AOPEP: variants seen among roughly 807,000 people sequenced by gnomAD.
The protein encoded by AOPEP is aminopeptidase O (putative), also known as aminopeptidase O.
A neutral mutation model predicts 98.1 loss-of-function variants in AOPEP; 77 were observed. That is an observed-to-expected ratio of 0.78 (90% CI 0.65 to 0.95). The LOEUF is 0.95. AOPEP is among the 40% of genes least tolerant of loss of function. The probability of loss-of-function intolerance (pLI) is 0.00; values close to 1 mark genes in which losing one functional copy is unlikely to be tolerated. For synonymous variants in AOPEP, 346 were observed against 365.3 expected (o/e 0.95, Z 0.60); for missense variants, 1,024 against 1,024.7 (o/e 1.00, Z 0.01).
chr9:95,111,178 C>T, the AOPEP span: 4 of 1,535,938 alleles, frequency 2.6e-6, no homozygotes, highest in South Asian at 2.4e-5. Context: ...GCAGATATGG[C>T]AGCTGAGCAA....
At chr9:94,866,046 A>G (rs2045670163) in intron 5 of AOPEP, among the ~76,000 whole-genome samples, 1 of 152,238 alleles carries the variant, frequency 6.6e-6, no homozygotes, top group Non-Finnish European at 1.5e-5. Context: ...ATTTACGTAC[A>G]GAAATTCTCC....
intron 4 of AOPEP, among the ~76,000 whole-genome samples, chr9:94,794,386 G>A (rs2082049690): frequency 6.6e-6 from 1 of 152,192 alleles, no homozygotes; most frequent in South Asian, 2.1e-4. Flanking sequence ...TGGTAGAGAT[G>A]ATTAGTTACT....
rs376024603 is a variant in AOPEP, at chr9:94,950,578, A to G, written c.1662-4599A>G. 7.2e-5 allele frequency among the ~76,000 whole-genome samples: 11 copies of G among 152,268 alleles called. No individual in the cohort carries two copies. The South Asian group carries it at 2.1e-3, about 29-fold the overall frequency. ...ACAAGGGTCAGATTTCACTTCCTCCATTGTTGCAGGGTGAGTGAGGTCCTG... is the reference window on the plus strand; with the variant it reads ...ACAAGGGTCAGATTTCACTTCCTCCGTTGTTGCAGGGTGAGTGAGGTCCTG... On this transcript the variant is annotated intron_variant, in intron 7 of 16. Coordinates refer to ENST00000375315, the MANE Select transcript of AOPEP (RefSeq NM_001193329.3).
intron 5 of AOPEP, among the ~76,000 whole-genome samples, chr9:94,881,758 C>T (rs1053886644): frequency 1.7e-4 from 26 of 152,112 alleles, no homozygotes; most frequent in African/African-American, 6.0e-4. Context: ...TTCTGTCGTC[C>T]GAAACTTCTT....
At chr9:94,905,525 G>A (rs2051004935) in intron 5 of AOPEP, among the ~76,000 whole-genome samples, 1 of 152,158 alleles carries the variant, frequency 6.6e-6, no homozygotes, top group Admixed American at 6.5e-5. Context: ...TATCAAAATG[G>A]TAAATATGCA....
chr9:94,807,098 G>C (rs1484915858), intron 5 of AOPEP, among the ~76,000 whole-genome samples: 1 of 152,124 alleles, frequency 6.6e-6, no homozygotes, highest in Non-Finnish European at 1.5e-5. Context: ...CTGTGGGCTG[G>C]CTTTGAGGCA....
intron 9 of AOPEP, among the ~76,000 whole-genome samples, chr9:94,961,472 A>G (rs905295587): frequency 2.6e-5 from 4 of 151,856 alleles, no homozygotes; most frequent in Non-Finnish European, 4.4e-5. Context: ...TTATTTTCCA[A>G]TTGCGTTTAT....
chr9:95,060,654 C>A, intron 13 of AOPEP, 40 bp from the exon 14 acceptor site: 1 of 1,336,946 alleles, frequency 7.5e-7, no homozygotes, highest in Non-Finnish European at 1.1e-6. Context: ...TTCTCATCAA[C>A]TGAATGGCAT....
At chr9:94,978,114 C>T (rs1021853423) in intron 10 of AOPEP, among the ~76,000 whole-genome samples, 1 of 152,170 alleles carries the variant, frequency 6.6e-6, no homozygotes, top group Non-Finnish European at 1.5e-5. Flanking sequence ...GTCTGCAACA[C>T]CACCCACCCA....
intron 13 of AOPEP, among the ~76,000 whole-genome samples, chr9:95,006,855 A>C (rs969975401): frequency 6.6e-6 from 1 of 151,666 alleles, no homozygotes; most frequent in Non-Finnish European, 1.5e-5. Context: ...AAGGAAAAGA[A>C]TTATGGCTTG....
intron 5 of AOPEP, among the ~76,000 whole-genome samples, chr9:94,907,910 G>T (rs917502914): frequency 1.3e-5 from 2 of 152,158 alleles, no homozygotes; most frequent in African/African-American, 2.4e-5. Flanking sequence ...TACTCTAAGT[G>T]CCCTTCAAAT....
At chr9:94,916,577 C>T (rs1436631690) in intron 5 of AOPEP, among the ~76,000 whole-genome samples, 3 of 151,760 alleles carry the variant, frequency 2.0e-5, no homozygotes, top group Admixed American at 2.0e-4. Context: ...GTGGGGCACA[C>T]CTGTAGTCCC....
Position 94,875,273 on chromosome 9 carries a change from T to C in AOPEP, c.1365-48713T>C, listed in dbSNP as rs535184095. 1.6e-4 allele frequency among the ~76,000 whole-genome samples: 23 copies of C among 145,974 alleles called. No individual in the cohort carries two copies. The South Asian group carries it at 4.3e-3, about 27-fold the overall frequency. On this transcript the variant is annotated intron_variant, in intron 5 of 16. Coordinates refer to ENST00000375315, the MANE Select transcript of AOPEP (RefSeq NM_001193329.3). ...CTTCACTTCCAGTTAAAGAATGGTATGAAAGTACTGTTTATATGTCTTGTT... is the reference window on the plus strand; with the variant it reads ...CTTCACTTCCAGTTAAAGAATGGTACGAAAGTACTGTTTATATGTCTTGTT...
At chr9:95,001,443 C>T (rs2132586632) in intron 11 of AOPEP, among the ~76,000 whole-genome samples, 1 of 152,274 alleles carries the variant, frequency 6.6e-6, no homozygotes, top group South Asian at 2.1e-4. Context: ...CTTTAAAGTG[C>T]TTTTACTACA....
intron 3 of AOPEP, among the ~76,000 whole-genome samples, chr9:94,790,270 T>C (rs943918806): frequency 6.8e-6 from 1 of 146,890 alleles, no homozygotes; most frequent in African/African-American, 2.5e-5. Flanking sequence ...AGGTTCAAGC[T>C]ATTCTCCTGC....
At chr9:95,124,103 CAAAAAAAAAAAA>C in the AOPEP span, among the ~76,000 whole-genome samples, 6 of 43,542 alleles carry the variant, frequency 1.4e-4, no homozygotes, top group Admixed American at 3.2e-4. Flanking sequence ...AACCTTGTCT[CAAAAAAAAAAAA>C]AAAAAAAAAA....
chr9:95,032,186 C>T (rs1362001992), intron 13 of AOPEP, among the ~76,000 whole-genome samples: 1 of 152,226 alleles, frequency 6.6e-6, no homozygotes, highest in East Asian at 1.9e-4. Context: ...CCCACTGCAC[C>T]TGGCCAGCGG....
chr9:94,997,749 G>A (rs933556341), intron 11 of AOPEP, among the ~76,000 whole-genome samples: 1 of 152,004 alleles, frequency 6.6e-6, no homozygotes, highest in East Asian at 1.9e-4. Flanking sequence ...GCTGGAGTGC[G>A]GTGGCACAAC....
intron 9 of AOPEP, among the ~76,000 whole-genome samples, chr9:94,960,696 T>C (rs1230709336): frequency 6.6e-6 from 1 of 152,076 alleles, no homozygotes; most frequent in African/African-American, 2.4e-5. Context: ...TCACAGGCTC[T>C]ATTTCTGAGT....
Sources: gnomAD v4.1 joint callset for allele counts (sites outside exome capture counted in the v4.1 genomes callset) on GRCh38, gnomAD v4.1.1 for gene constraint, MANE v1.5 for transcripts, NCBI Gene and HGNC (gene_info 2026-07-23, HGNC 2026-07-21) for gene names.